The following PCDH7 variants were observed in gnomAD, a reference collection of about 807,000 sequenced individuals.
PCDH7 encodes the protein protocadherin 7.
In PCDH7, 17 loss-of-function variants were observed where a neutral mutation model predicts 58.9. The ratio of observed to expected loss-of-function variants is 0.29; its 90% CI spans 0.20 to 0.43. PCDH7 has a LOEUF of 0.43. Among genes scored for constraint, PCDH7 ranks in the 20% least tolerant of loss-of-function variants. PCDH7 has a pLI of 1.00. For synonymous variants in PCDH7, 664 were observed against 616.4 expected, an observed-to-expected ratio of 1.08 and a Z score of -1.14; for missense variants, 1,274 against 1,441.0, an observed-to-expected ratio of 0.88 and a Z score of 1.88.
At chr4:31,056,517 G>GGAGAGA (rs1757250947) in intron 3 of PCDH7, among the ~76,000 whole-genome samples, 1 of 95,038 alleles carries the variant, frequency 1.1e-5, no homozygotes, top group Non-Finnish European at 2.2e-5. Context: ...AAGAAAGAAA[G>GGAGAGA]GGGAAGGGAA....
At chr4:31,109,739 C>G (rs1716046292) in intron 3 of PCDH7, among the ~76,000 whole-genome samples, 1 of 152,188 alleles carries the variant, frequency 6.6e-6, no homozygotes, top group African/African-American at 2.4e-5. Context: ...GGTTTGCTTT[C>G]CAAAATACGT....
At chr4:30,909,509 A>C (rs1009994619) in intron 1 of PCDH7, among the ~76,000 whole-genome samples, 4 of 152,216 alleles carry the variant, frequency 2.6e-5, no homozygotes, top group African/African-American at 9.6e-5. Context: ...AATGTGCAAA[A>C]ATCACAAGCA....
intron 1 of PCDH7, among the ~76,000 whole-genome samples, chr4:30,756,947 C>A (rs1719385241): frequency 6.6e-6 from 1 of 152,346 alleles, no homozygotes; most frequent in South Asian, 2.1e-4. Context: ...TTCAGCCTTA[C>A]TGTGCCACTG....
At chr4:30,921,164 A>C (rs1441431411) in intron 2 of PCDH7, among the ~76,000 whole-genome samples, 1 of 152,290 alleles carries the variant, frequency 6.6e-6, no homozygotes, top group Admixed American at 6.5e-5. Flanking sequence ...AGTCATAAGT[A>C]AATGCCTGAG....
At position 30,951,376 on chromosome 4, in the gene PCDH7, A is replaced by G. The variant is rs762876445; in HGVS notation, c.*7+1161A>G. 4.3e-4 allele frequency among the ~76,000 whole-genome samples: 66 copies of G among 152,178 alleles called. 1 individual carries two copies. Among genetic ancestry groups the G allele is most frequent in the Admixed American group, 1.3e-4 (2 of 15,274 alleles). ...CTGGACCATTAATCTTCATTTAGAAATGTATGGCTTTCTATTAGATAAAGC... is the reference window on the plus strand; with the variant it reads ...CTGGACCATTAATCTTCATTTAGAAGTGTATGGCTTTCTATTAGATAAAGC... On this transcript the variant is annotated intron_variant, in intron 3 of 3. Transcript: ENST00000509759.
intron 3 of PCDH7, among the ~76,000 whole-genome samples, chr4:31,087,177 C>T (rs889685304): frequency 6.6e-6 from 1 of 152,002 alleles, no homozygotes; most frequent in Non-Finnish European, 1.5e-5. Context: ...AGGTAGTCAC[C>T]CTGTTCGAAT....
intron 2 of PCDH7, among the ~76,000 whole-genome samples, chr4:30,945,924 A>G (rs533580593): frequency 5.9e-5 from 9 of 152,232 alleles, no homozygotes; most frequent in Non-Finnish European, 1.2e-4. Flanking sequence ...CTATAACATT[A>G]TGGACATTAT....
intron 1 of PCDH7, among the ~76,000 whole-genome samples, chr4:30,726,073 G>C (rs1714570461): frequency 6.6e-6 from 1 of 152,014 alleles, no homozygotes; most frequent in African/African-American, 2.4e-5. Flanking sequence ...ACCAACATTT[G>C]ACATAGTGGA....
intron 3 of PCDH7, among the ~76,000 whole-genome samples, chr4:31,028,225 G>A (rs1754605282): frequency 6.6e-6 from 1 of 152,076 alleles, no homozygotes; most frequent in African/African-American, 2.4e-5. Context: ...TTATACACAG[G>A]AATATTCCTA....
intron 1 of PCDH7, among the ~76,000 whole-genome samples, chr4:30,810,742 C>G (rs1047125243): frequency 6.6e-6 from 1 of 151,906 alleles, no homozygotes. Context: ...TCCCAAGTAG[C>G]TGGGATTACA....
At chr4:30,809,415 T>A (rs1044007648) in intron 1 of PCDH7, among the ~76,000 whole-genome samples, 1 of 152,090 alleles carries the variant, frequency 6.6e-6, no homozygotes, top group Admixed American at 6.6e-5. Flanking sequence ...AAACTGTATC[T>A]CTCTGAGAGT....
intron 3 of PCDH7, among the ~76,000 whole-genome samples, chr4:31,029,786 A>T (rs113382260): frequency 1.8e-3 from 269 of 152,260 alleles, no homozygotes; most frequent in Non-Finnish European, 3.0e-3. Context: ...ATCTGGTATG[A>T]AGCCCTTAGC....
At chr4:30,860,121 G>A (rs958878280) in intron 1 of PCDH7, among the ~76,000 whole-genome samples, 1 of 152,108 alleles carries the variant, frequency 6.6e-6, no homozygotes, top group African/African-American at 2.4e-5. Flanking sequence ...AACCTCTGAA[G>A]GGTGGCTCTC....
At chr4:30,776,364 A>G (rs977229540) in intron 1 of PCDH7, 4 of 152,244 alleles carry the variant, frequency 2.6e-5, no homozygotes, top group African/African-American at 9.6e-5. Context: ...TTCTAACAAC[A>G]TAAATATTTT....
intron 1 of PCDH7, among the ~76,000 whole-genome samples, chr4:30,838,705 A>G (rs1400584281): frequency 2.6e-5 from 4 of 151,810 alleles, no homozygotes; most frequent in South Asian, 2.1e-4. Context: ...GGTTCTCTCT[A>G]TGCACATCCT....
Position 30,746,878 on chromosome 4 carries a change from A to G in PCDH7, c.70+22282A>G, listed in dbSNP as rs376255191. 2.2e-3 allele frequency among the ~76,000 whole-genome samples: 337 copies of G among 152,194 alleles called. 3 individuals carry two copies. Among genetic ancestry groups the G allele is most frequent in the South Asian group, 0.017 (83 of 4,824 alleles). On this transcript the variant is annotated intron_variant, in intron 1 of 3. Transcript: ENST00000509759. ...CTGTTTGTGTAGAATCTAGAAAACC[A>G]TAAATAGGTTTTCCTTGCACTGGCC... is the stretch of plus-strand genomic sequence containing the variant.
At chr4:30,969,878 T>G (rs1052189204) in intron 3 of PCDH7, among the ~76,000 whole-genome samples, 8 of 152,208 alleles carry the variant, frequency 5.3e-5, no homozygotes, top group African/African-American at 1.7e-4. Context: ...ATTATCTTAC[T>G]AAGCCTCTCT....
intron 3 of PCDH7, among the ~76,000 whole-genome samples, chr4:31,055,475 T>C (rs1322263834): frequency 6.6e-6 from 1 of 152,184 alleles, no homozygotes; most frequent in East Asian, 1.9e-4. Flanking sequence ...TGAGCAGTAG[T>C]AGATTTTTTA....
intron 1 of PCDH7, among the ~76,000 whole-genome samples, chr4:30,780,066 G>T (rs114191964): frequency 6.6e-6 from 1 of 152,164 alleles, no homozygotes. Flanking sequence ...GAATGGAAAT[G>T]AATTAACTCT....
Sources: allele counts gnomAD v4.1 joint callset (sites outside exome capture counted in the v4.1 genomes callset), GRCh38; gene constraint gnomAD v4.1.1; transcripts MANE v1.5; gene names NCBI Gene and HGNC (gene_info 2026-07-23, HGNC 2026-07-21).